Variants in DAB1 observed in about 807,000 individuals in gnomAD.
The protein encoded by DAB1 is DAB adaptor protein 1, also known as disabled homolog 1.
In DAB1, 15 loss-of-function variants were observed where a neutral mutation model predicts 64.6. The ratio of observed to expected loss-of-function variants is 0.23; its 90% confidence interval spans 0.16 to 0.36. The LOEUF is 0.36. Among genes scored for constraint, DAB1 ranks in the 10% least tolerant of loss-of-function variants. The pLI is 1.00. For missense variants in DAB1, 596 were observed against 706.7 expected (o/e 0.84, Z 1.78); for synonymous variants, 235 against 251.9 (o/e 0.93, Z 0.64).
intron 2 of DAB1, among the ~76,000 whole-genome samples, chr1:57,181,040 A>C (rs1005621780): frequency 6.6e-6 from 1 of 152,212 alleles, no homozygotes; most frequent in African/African-American, 2.4e-5. Context: ...GTGTGTGGGC[A>C]TCTTTATCTC....
rs143287286 is a variant in DAB1 at position 57,873,275 on chromosome 1, CTCTATAT to C, written n.87+10717_87+10723del. ...TCAATATTTATATGCATAAAGCTAA[CTCTATAT>C]TCTGTTGTCTTGTTCTTTTTTAAAA... On this transcript the variant is annotated intron_variant and non_coding_transcript_variant, in intron 1 of 1. Coordinates refer to the DAB1 transcript ENST00000477280. Among the ~76,000 whole-genome samples the C allele has an allele frequency of 9.0e-3, 1,366 of 152,122 alleles. 18 individuals are homozygous for C. Among genetic ancestry groups the C allele is most frequent in the African/African-American group, 0.032 (1,320 of 41,512 alleles).
At chr1:57,045,491 A>T (rs1342943705) in intron 9 of DAB1, among the ~76,000 whole-genome samples, 1 of 152,190 alleles carries the variant, frequency 6.6e-6, no homozygotes, top group East Asian at 1.9e-4. Flanking sequence ...TGAGGTCAGC[A>T]GTTTGAGACC....
At chr1:57,753,900 G>A (rs1438463918) in intron 6 of DAB1, among the ~76,000 whole-genome samples, 1 of 152,190 alleles carries the variant, frequency 6.6e-6, no homozygotes, top group Non-Finnish European at 1.5e-5. Context: ...AGACTGGCAA[G>A]TACAACCACA....
At chr1:57,282,476 G>A (rs1671994075) in intron 2 of DAB1, among the ~76,000 whole-genome samples, 2 of 152,108 alleles carry the variant, frequency 1.3e-5, no homozygotes, top group African/African-American at 4.8e-5. Context: ...GAGCTATGTA[G>A]GTGAGTTTGG....
chr1:57,151,711 GA>G (rs146691638), intron 2 of DAB1, among the ~76,000 whole-genome samples: 5,358 of 148,944 alleles, frequency 0.036, 305 homozygotes, highest in African/African-American at 0.13. Flanking sequence ...AATTTGTGAA[GA>G]AAAAAAGTTG....
Position 58,037,944 on chromosome 1 carries a change from G to A in DAB1, n.387+112567C>T, listed in dbSNP as rs141185785. Among the ~76,000 whole-genome samples, 449 of 152,230 alleles carry A rather than the reference G, an allele frequency of 2.9e-3. 3 individuals are homozygous for A. The highest frequency in any genetic ancestry group is 3.2e-3 in the Non-Finnish European group (217 of 68,030). On this transcript the variant is annotated intron_variant and non_coding_transcript_variant, in intron 5 of 20. Coordinates refer to the DAB1 transcript ENST00000485760. ...ATGGCCCTGAATGACTCCTTAGAGAGAGGCAGCCCTGTTGATCTACTCACT... is the reference window on the plus strand; with the variant it reads ...ATGGCCCTGAATGACTCCTTAGAGAAAGGCAGCCCTGTTGATCTACTCACT...
intron 3 of DAB1, among the ~76,000 whole-genome samples, chr1:58,462,092 C>T (rs1645248109): frequency 6.7e-6 from 1 of 149,706 alleles, no homozygotes; most frequent in African/African-American, 2.5e-5. Flanking sequence ...GATTGAGATC[C>T]ACGTCGATCT....
intron 7 of DAB1, among the ~76,000 whole-genome samples, chr1:57,485,781 C>T (rs1180742361): frequency 6.6e-6 from 1 of 152,076 alleles, no homozygotes; most frequent in South Asian, 2.1e-4. Flanking sequence ...AGCATGCACT[C>T]AGTACATCCT....
At chr1:58,467,473 G>A (rs1645308187) in intron 3 of DAB1, among the ~76,000 whole-genome samples, 1 of 152,186 alleles carries the variant, frequency 6.6e-6, no homozygotes, top group African/African-American at 2.4e-5. Context: ...TTGCTCCCAT[G>A]CTACTGTCAT....
chr1:58,143,868 C>T (rs1654446754), intron 5 of DAB1, among the ~76,000 whole-genome samples: 1 of 152,180 alleles, frequency 6.6e-6, no homozygotes, highest in South Asian at 2.1e-4. Context: ...CTGACAGTAC[C>T]ATATATCTGA....
At chr1:57,759,986 C>CA (rs953960466) in intron 6 of DAB1, among the ~76,000 whole-genome samples, 4 of 151,756 alleles carry the variant, frequency 2.6e-5, no homozygotes, top group African/African-American at 9.7e-5. Context: ...AAGAGAACAA[C>CA]AAAAAAAGAA....
intron 5 of DAB1, among the ~76,000 whole-genome samples, chr1:58,138,113 T>A (rs951349186): frequency 6.6e-6 from 1 of 152,242 alleles, no homozygotes; most frequent in African/African-American, 2.4e-5. Context: ...CTCACAAGTA[T>A]TTGTTGAGCA....
At chr1:57,618,926 G>A (rs1193284295) in intron 7 of DAB1, among the ~76,000 whole-genome samples, 1 of 152,154 alleles carries the variant, frequency 6.6e-6, no homozygotes, top group East Asian at 1.9e-4. Flanking sequence ...GAACTGCTCT[G>A]TGCTATAGGC....
chr1:57,014,836 AG>A (rs1646372581), intron 12 of DAB1, 46 bp downstream of exon 12: 1 of 1,475,268 alleles, frequency 6.8e-7, no homozygotes, highest in Non-Finnish European at 9.1e-7. Context: ...TCCAGACATG[AG>A]TTACGGCTCT....
At chr1:57,527,011 T>C (rs759868768) in intron 7 of DAB1, among the ~76,000 whole-genome samples, 15 of 152,146 alleles carry the variant, frequency 9.9e-5, no homozygotes, top group Non-Finnish European at 2.9e-5. Context: ...TTAGTAGTAT[T>C]AGTATCACAA....
At chr1:58,293,436 T>C (rs539691653) in intron 4 of DAB1, among the ~76,000 whole-genome samples, 18 of 152,286 alleles carry the variant, frequency 1.2e-4, no homozygotes, top group African/African-American at 4.3e-4. Context: ...AAATATACCT[T>C]CCTAGAGCAG....
intron 6 of DAB1, among the ~76,000 whole-genome samples, chr1:57,754,874 T>A (rs72664630): frequency 0.044 from 6,745 of 152,234 alleles, 194 homozygotes; most frequent in Middle Eastern, 0.095. Context: ...ATATCAAAGC[T>A]GAGCTCCAAG....
intron 3 of DAB1, among the ~76,000 whole-genome samples, chr1:58,499,229 GGATCGGGGAGTAGGAATCA>G (rs1318208147): frequency 1.3e-5 from 2 of 151,184 alleles, no homozygotes; most frequent in Admixed American, 1.3e-4. Flanking sequence ...CACAGGCTGG[GGATCGGGGAGTAGGAATCA>G]GGAGGTGTTG....
intron 5 of DAB1, among the ~76,000 whole-genome samples, chr1:58,051,735 C>A (rs534755633): frequency 2.0e-5 from 3 of 152,268 alleles, no homozygotes; most frequent in Admixed American, 2.0e-4. Context: ...TTAATGATTG[C>A]CATTCTAACT....
Sources: allele counts gnomAD v4.1 joint callset (sites outside exome capture counted in the v4.1 genomes callset), GRCh38; gene constraint gnomAD v4.1.1; transcripts MANE v1.5; gene names NCBI Gene and HGNC (gene_info 2026-07-23, HGNC 2026-07-21).